CTNNA2: variants seen among roughly 807,000 people sequenced by gnomAD.
CTNNA2 encodes the protein catenin alpha-2.
A neutral mutation model predicts 101.0 loss-of-function variants in CTNNA2; 42 were observed. The ratio of observed to expected loss-of-function variants is 0.42; its 90% CI spans 0.32 to 0.54. CTNNA2 has a LOEUF of 0.54. Ranked by LOEUF, CTNNA2 falls within the 20% of genes least tolerant of loss-of-function variation. The probability of loss-of-function intolerance (pLI) is 0.14; values close to 1 mark genes in which losing one functional copy is unlikely to be tolerated. For missense variants in CTNNA2, 871 were observed against 1,223.1 expected (o/e 0.71, Z 4.29); for synonymous variants, 450 against 456.4 (o/e 0.99, Z 0.18).
chr2:79,735,954 C>A (rs1055520806), intron 2 of CTNNA2, among the ~76,000 whole-genome samples: 1 of 152,148 alleles, frequency 6.6e-6, no homozygotes, highest in Non-Finnish European at 1.5e-5. Context: ...ACTGTGGAAG[C>A]ATCAGTAACT....
chr2:79,490,874 C>G (rs1671201399), intron 4 of CTNNA2, among the ~76,000 whole-genome samples: 1 of 152,216 alleles, frequency 6.6e-6, no homozygotes, highest in South Asian at 2.1e-4. Flanking sequence ...TTTGGACATA[C>G]TTCCCAGCAG....
At chr2:80,195,258 C>G (rs1159559737) in intron 7 of CTNNA2, among the ~76,000 whole-genome samples, 4 of 152,072 alleles carry the variant, frequency 2.6e-5, no homozygotes, top group Admixed American at 2.6e-4. Context: ...TGTTTACAGA[C>G]AGACAAATCT....
At chr2:79,749,266 G>T (rs754924728) in intron 3 of CTNNA2, among the ~76,000 whole-genome samples, 1 of 152,074 alleles carries the variant, frequency 6.6e-6, no homozygotes, top group African/African-American at 2.4e-5. Flanking sequence ...TGCATCTGCC[G>T]TATGGGGTCA....
intron 6 of CTNNA2, among the ~76,000 whole-genome samples, chr2:79,893,567 T>A (rs1684454633): frequency 1.3e-5 from 2 of 152,200 alleles, no homozygotes; most frequent in Admixed American, 1.3e-4. Context: ...TAAATTAATA[T>A]ATGGTGGCCA....
chr2:79,979,011 T>C (rs1691065237), intron 7 of CTNNA2, among the ~76,000 whole-genome samples: 1 of 151,950 alleles, frequency 6.6e-6, no homozygotes, highest in Non-Finnish European at 1.5e-5. Context: ...ATTCAAGGAG[T>C]CTGGCTCTAG....
rs1674290670 is a variant in CTNNA2, at chr2:80,647,978, G to T, written c.*106G>T. On this transcript the variant is annotated 3_prime_UTR_variant, in exon 19 of 19. Transcript: ENST00000402739. ...CTGCCAGCTCGTATGCCTCTGGCATGGGGAAATTAAGGGAACAGTGTCTGT... is the reference window on the plus strand; with the variant it reads ...CTGCCAGCTCGTATGCCTCTGGCATTGGGAAATTAAGGGAACAGTGTCTGT... 2.7e-6 allele frequency: 3 copies of T among 1,092,772 alleles called. No individual in the cohort carries two copies. The highest frequency in any genetic ancestry group is 1.3e-6 in the Non-Finnish European group (1 of 773,634). The allele number at this position is 1,092,772 out of a possible 1,614,324, so 67.7% of individuals were successfully genotyped here. A position where few individuals can be genotyped will look rare whatever the true frequency, so the allele number is the denominator to read the frequency against.
intron 1 of CTNNA2, among the ~76,000 whole-genome samples, chr2:79,583,438 T>C (rs1473352469): frequency 6.6e-6 from 1 of 152,016 alleles, no homozygotes; most frequent in Non-Finnish European, 1.5e-5. Flanking sequence ...GGGTTTTTCA[T>C]ATATTCAGTG....
intron 18 of CTNNA2, among the ~76,000 whole-genome samples, chr2:80,640,093 A>ACAT (rs1158737223): frequency 6.6e-6 from 1 of 152,148 alleles, no homozygotes; most frequent in East Asian, 1.9e-4. Flanking sequence ...CAGCGAGATA[A>ACAT]CATCTCAAAA....
intron 7 of CTNNA2, among the ~76,000 whole-genome samples, chr2:80,183,201 C>G (rs937357408): frequency 1.1e-4 from 17 of 152,150 alleles, no homozygotes; most frequent in Non-Finnish European, 2.9e-5. Flanking sequence ...CACCAGCATA[C>G]ACACTTTTCT....
At chr2:79,594,625 G>A (rs1677072162) in intron 1 of CTNNA2, among the ~76,000 whole-genome samples, 1 of 152,118 alleles carries the variant, frequency 6.6e-6, no homozygotes, top group Admixed American at 6.5e-5. Flanking sequence ...CTGCAGTTTT[G>A]TCAATAACCC....
intron 7 of CTNNA2, among the ~76,000 whole-genome samples, chr2:80,006,373 A>AG (rs1693351121): frequency 6.6e-6 from 1 of 151,528 alleles, no homozygotes; most frequent in African/African-American, 2.4e-5. Context: ...AAAAAAAAAA[A>AG]AGAAAAAACA....
chr2:80,435,616 A>G (rs908766249), intron 9 of CTNNA2, among the ~76,000 whole-genome samples: 3 of 152,246 alleles, frequency 2.0e-5, no homozygotes, highest in African/African-American at 7.2e-5. Context: ...ACAGGTAGGT[A>G]GAGAATATGC....
chr2:80,355,661 A>C (rs940390586), intron 7 of CTNNA2, among the ~76,000 whole-genome samples: 2 of 152,126 alleles, frequency 1.3e-5, no homozygotes, highest in African/African-American at 4.8e-5. Context: ...TTGTCACTTT[A>C]GTTTTAGGGA....
intron 7 of CTNNA2, among the ~76,000 whole-genome samples, chr2:80,128,692 T>C (rs1334198784): frequency 6.6e-6 from 1 of 152,144 alleles, no homozygotes; most frequent in Non-Finnish European, 1.5e-5. Flanking sequence ...GTTTATATTT[T>C]TCTTCTCTAT....
At chr2:80,187,579 C>G (rs75226240) in intron 7 of CTNNA2, among the ~76,000 whole-genome samples, 2 of 152,016 alleles carry the variant, frequency 1.3e-5, no homozygotes, top group African/African-American at 4.8e-5. Flanking sequence ...AGCCCAAGAA[C>G]GAGGGCAGTA....
chr2:80,578,629 T>A (rs2149712387), intron 13 of CTNNA2, among the ~76,000 whole-genome samples: 1 of 152,320 alleles, frequency 6.6e-6, no homozygotes, highest in African/African-American at 2.4e-5. Context: ...GTGTTTAAGG[T>A]ACATGTAAAT....
chr2:79,784,077 T>C (rs1349250573), intron 3 of CTNNA2, among the ~76,000 whole-genome samples: 1 of 152,188 alleles, frequency 6.6e-6, no homozygotes, highest in Non-Finnish European at 1.5e-5. Context: ...ACGGTTTATA[T>C]GGACAGGAAT....
intron 15 of CTNNA2, among the ~76,000 whole-genome samples, chr2:80,591,169 T>C (rs1449171037): frequency 6.6e-6 from 1 of 152,134 alleles, no homozygotes; most frequent in Non-Finnish European, 1.5e-5. Context: ...TGTTACATGG[T>C]GTTAAATAAG....
At chr2:80,315,551 G>A (rs1049527742) in intron 7 of CTNNA2, among the ~76,000 whole-genome samples, 1 of 152,168 alleles carries the variant, frequency 6.6e-6, no homozygotes, top group Non-Finnish European at 1.5e-5. Flanking sequence ...TCATCCTCCA[G>A]TAGGCTAGCT....
Sources: allele counts gnomAD v4.1 joint callset (sites outside exome capture counted in the v4.1 genomes callset), GRCh38; gene constraint gnomAD v4.1.1; transcripts MANE v1.5; gene names NCBI Gene and HGNC (gene_info 2026-07-23, HGNC 2026-07-21).